IPO7: variants seen among roughly 807,000 people sequenced by gnomAD.
IPO7 encodes importin-7.
IPO7 carries 13 observed loss-of-function variants against 136.4 expected under a neutral mutation model. That is an observed-to-expected ratio of 0.10 (90% confidence interval 0.06 to 0.15). The LOEUF (loss-of-function observed/expected upper bound fraction) is 0.15, where lower values mean the gene tolerates loss of function less well. Among genes scored for constraint, IPO7 ranks in the 10% least tolerant of loss-of-function variants. IPO7 has a pLI of 1.00. For synonymous variants in IPO7, 403 were observed against 404.4 expected (o/e 1.00, Z 0.04); for missense variants, 857 against 1,240.6 (o/e 0.69, Z 4.65).
intron 1 of IPO7, among the ~76,000 whole-genome samples, chr11:9,395,389 G>T (rs1185706351): frequency 6.6e-6 from 1 of 151,034 alleles, no homozygotes; most frequent in Non-Finnish European, 1.5e-5. Context: ...GATTACAGGC[G>T]CCCCCCACTG....
chr11:9,401,930 A>G (rs1367975082), intron 1 of IPO7, among the ~76,000 whole-genome samples: 1 of 152,192 alleles, frequency 6.6e-6, no homozygotes, highest in African/African-American at 2.4e-5. Context: ...ATTCATTGCA[A>G]TCCGCCTGCC....
intron 4 of IPO7, among the ~76,000 whole-genome samples, chr11:9,410,374 A>C (rs1455594089): frequency 6.6e-6 from 1 of 152,212 alleles, no homozygotes; most frequent in Non-Finnish European, 1.5e-5. Context: ...TGTGCTGATA[A>C]AAGTCCTTCA....
At chr11:9,439,562 G>T (rs527335087) in intron 22 of IPO7, among the ~76,000 whole-genome samples, 164 of 151,662 alleles carry the variant, frequency 1.1e-3, no homozygotes, top group African/African-American at 3.7e-3. Context: ...ATTTATGGGG[G>T]TTTTTTTTGT....
chr11:9,405,526 C>T (rs1854870313), intron 2 of IPO7, among the ~76,000 whole-genome samples: 1 of 152,166 alleles, frequency 6.6e-6, no homozygotes, highest in Non-Finnish European at 1.5e-5. Flanking sequence ...AGGCTCAAGC[C>T]ATCCTCCCAC....
intron 1 of IPO7, among the ~76,000 whole-genome samples, chr11:9,385,205 C>G (rs1187458364): frequency 6.6e-6 from 1 of 152,176 alleles, no homozygotes; most frequent in African/African-American, 2.4e-5. Context: ...GGGGGCGAAA[C>G]TTACTGGGAG....
In IPO7 at chr11:9,420,592, G is replaced by A. The variant is rs757011666; in HGVS notation, c.822-22G>A. ...GCATAAAGCATTATAAAGAAACAAT[G>A]GGCATTTTGATGTTCTTTTAGATAT... On this transcript the variant is annotated intron_variant, in intron 7 of 24. Coordinates refer to ENST00000379719, the MANE Select transcript of IPO7 (RefSeq NM_006391.3). The A allele has an allele frequency of 4.4e-6, 7 of 1,585,050 alleles. No individual in the cohort carries two copies. The East Asian group carries it at 1.3e-4, about 30-fold the overall frequency.
intron 9 of IPO7, 46 bp downstream of exon 9, chr11:9,423,186 A>G (rs1855158413): frequency 3.1e-6 from 4 of 1,283,888 alleles, no homozygotes; most frequent in Non-Finnish European, 4.3e-6. Flanking sequence ...TATAATAGAA[A>G]TGACATCAAT....
At chr11:9,443,592 A>C (rs1414852149) in intron 24 of IPO7, among the ~76,000 whole-genome samples, 1 of 129,810 alleles carries the variant, frequency 7.7e-6, no homozygotes, top group East Asian at 2.1e-4. Context: ...ACTCCGTCTC[A>C]AAAAAAAAAA....
chr11:9,388,678 C>T (rs529765751), intron 1 of IPO7, among the ~76,000 whole-genome samples: 2 of 151,324 alleles, frequency 1.3e-5, no homozygotes, highest in African/African-American at 2.4e-5. Context: ...AAGGTTTCAC[C>T]GTGTTGCCCA....
At chr11:9,417,872 C>T (rs1296065308) in intron 6 of IPO7, among the ~76,000 whole-genome samples, 1 of 151,016 alleles carries the variant, frequency 6.6e-6, no homozygotes, top group East Asian at 1.9e-4. Context: ...GCTACCAAGC[C>T]CGTCTAATTT....
rs183583703 is a variant in IPO7, at chr11:9,388,366, G to C, written c.84+3519G>C. Among the ~76,000 whole-genome samples the C allele has an allele frequency of 3.4e-3, 514 of 151,830 alleles. 6 individuals carry two copies. The highest frequency in any genetic ancestry group is 0.012 in the African/African-American group (493 of 41,474). ...CTAATTCTGTATTTTTAGCAGAGAT[G>C]GGGTTTTACCATGTTGGCCAGGCTG... On this transcript the variant is annotated intron_variant, in intron 1 of 24. Coordinates refer to ENST00000379719, the MANE Select transcript of IPO7 (RefSeq NM_006391.3).
intron 4 of IPO7, among the ~76,000 whole-genome samples, chr11:9,410,857 C>G (rs1854959136): frequency 6.6e-6 from 1 of 152,120 alleles, no homozygotes; most frequent in Non-Finnish European, 1.5e-5. Context: ...ACTTTATTGC[C>G]AGTCTTAACA....
chr11:9,406,132 T>TTTTA (rs1554953417), intron 2 of IPO7, among the ~76,000 whole-genome samples: 1 of 145,686 alleles, frequency 6.9e-6, no homozygotes, highest in Non-Finnish European at 1.5e-5. Context: ...TTTTTTTTTT[T>TTTTA]AGTAGAGACG....
chr11:9,422,101 G>A (rs748070520), intron 8 of IPO7, among the ~76,000 whole-genome samples: 27 of 152,080 alleles, frequency 1.8e-4, no homozygotes, highest in Non-Finnish European at 3.2e-4. Context: ...CCAACATGGA[G>A]AAATCCTGTC....
Position 9,433,611 on chromosome 11 carries a change from T to G in IPO7, c.1923T>G (p.Gly641=). ...AGGGAATCTGCTTACAGGTCATTGG[T>G]ACTGTTTTACAACAGCATGTCTTAG... The part of the protein sequence containing the change: ...QLEGICLQVI[G]TVLQQHVLEF... Residue 641 remains glycine, a synonymous_variant, in exon 17 of 25, where the codon GGT becomes GGG. Transcript: ENST00000379719. The G allele has an allele frequency of 6.2e-7, 1 of 1,612,860 alleles. No homozygotes were observed. The highest frequency in any genetic ancestry group is 8.5e-7 in the Non-Finnish European group (1 of 1,179,944).
At chr11:9,430,634 T>A (rs907728547) in intron 15 of IPO7, 7 of 444,438 alleles carry the variant, frequency 1.6e-5, no homozygotes, top group African/African-American at 1.4e-4. Context: ...GTACGGTGTC[T>A]ATGAAATCCC....
At chr11:9,404,902 T>A in intron 2 of IPO7, among the ~76,000 whole-genome samples, 1 of 152,206 alleles carries the variant, frequency 6.6e-6, no homozygotes, top group South Asian at 2.1e-4. Context: ...TAATTAGCCA[T>A]AATATGCCAT....
At chr11:9,421,800 C>G (rs757445712) in intron 8 of IPO7, among the ~76,000 whole-genome samples, 1 of 150,156 alleles carries the variant, frequency 6.7e-6, no homozygotes, top group Non-Finnish European at 1.5e-5. Flanking sequence ...AAAATGTAGC[C>G]GGGCGTGGTG....
In IPO7 at chr11:9,414,257, A is replaced by T; in HGVS notation, c.482A>T (p.Tyr161Phe). The change falls in exon 5 of 25, where the codon TAT (tyrosine) becomes TTT (phenylalanine). Residue 161 changes from tyrosine (Y) to phenylalanine (F), a missense_variant and splice_region_variant. Physicochemically the swap from Tyr to Phe is conservative, Grantham distance 22. Coordinates refer to ENST00000379719, the MANE Select transcript of IPO7 (RefSeq NM_006391.3). ...CLYQLVKNYE[Y>F]KKPEERSPLV... ...TTAGTTTGTATTCCTACTCAAAGGTATAAAAAACCAGAGGAGCGGAGTCCA... is the reference window on the plus strand; with the variant it reads ...TTAGTTTGTATTCCTACTCAAAGGTTTAAAAAACCAGAGGAGCGGAGTCCA... 6.2e-7 allele frequency: 1 copy of T among 1,606,122 alleles called. No homozygotes were observed. The highest frequency in any genetic ancestry group is 8.5e-7 in the Non-Finnish European group (1 of 1,177,238).
Sources: gnomAD v4.1 joint callset for allele counts (sites outside exome capture counted in the v4.1 genomes callset) on GRCh38, gnomAD v4.1.1 for gene constraint, MANE v1.5 for transcripts, NCBI Gene and HGNC (gene_info 2026-07-23, HGNC 2026-07-21) for gene names.